GALNT13: variants seen among roughly 807,000 people sequenced by gnomAD.
GALNT13 encodes the protein polypeptide N-acetylgalactosaminyltransferase 13.
GALNT13 carries 28 observed loss-of-function variants against 64.2 expected under a neutral mutation model. The ratio of observed to expected loss-of-function variants is 0.44; its 90% CI spans 0.32 to 0.60. The LOEUF is 0.60. Among genes scored for constraint, GALNT13 ranks in the 20% least tolerant of loss-of-function variants. The pLI is 0.05. For missense variants in GALNT13, 577 were observed against 669.8 expected, an observed-to-expected ratio of 0.86 and a Z score of 1.53; for synonymous variants, 214 against 224.6, an observed-to-expected ratio of 0.95 and a Z score of 0.42.
chr2:153,714,257 G>A, the GALNT13 span, among the ~76,000 whole-genome samples: 1 of 151,942 alleles, frequency 6.6e-6, no homozygotes, highest in African/African-American at 2.4e-5. Context: ...TTTCTCCTAG[G>A]AGGAGAAATA....
chr2:153,831,120 C>T, the GALNT13 span, among the ~76,000 whole-genome samples: 1 of 152,242 alleles, frequency 6.6e-6, no homozygotes, highest in East Asian at 1.9e-4. Context: ...TTTGGAGTAT[C>T]GTTTCTCATG....
chr2:153,307,289 A>T, the GALNT13 span, among the ~76,000 whole-genome samples: 1 of 152,210 alleles, frequency 6.6e-6, no homozygotes, highest in Non-Finnish European at 1.5e-5. Flanking sequence ...GGCATGGTAA[A>T]TTGAATCTAG....
intron 9 of GALNT13, among the ~76,000 whole-genome samples, chr2:154,331,000 A>G (rs1695136183): frequency 6.6e-6 from 1 of 152,050 alleles, no homozygotes; most frequent in South Asian, 2.1e-4. Flanking sequence ...ATAGGAGTAA[A>G]CTTGAAGTAA....
At chr2:154,215,557 C>T (rs1218708551) in intron 4 of GALNT13, among the ~76,000 whole-genome samples, 1 of 152,132 alleles carries the variant, frequency 6.6e-6, no homozygotes, top group Admixed American at 6.6e-5. Flanking sequence ...TCTTTCTTTT[C>T]CAGCCAATAG....
rs377067274 is a variant in GALNT13 at position 153,888,213 on chromosome 2, T to C, written c.-176-12723T>C. Among the ~76,000 whole-genome samples, 3 of 152,132 alleles carry C rather than the reference T, an allele frequency of 2.0e-5. No homozygotes were observed. In the South Asian group the frequency reaches 6.2e-4, roughly 32 times the overall value. Reference sequence around the variant, plus strand: ...CTGGTGGGAATTTAATGATGCATCATACTGTTTTTGATTTATTTCCAAATC... The same window carrying C: ...CTGGTGGGAATTTAATGATGCATCACACTGTTTTTGATTTATTTCCAAATC... On this transcript the variant is annotated intron_variant, in intron 1 of 12. Transcript: ENST00000392825.
chr2:154,196,793 A>G (rs1338604841), intron 4 of GALNT13, among the ~76,000 whole-genome samples: 1 of 152,354 alleles, frequency 6.6e-6, no homozygotes, highest in Admixed American at 6.5e-5. Flanking sequence ...CTTTGAATTC[A>G]TATTTCCAAG....
intron 4 of GALNT13, among the ~76,000 whole-genome samples, chr2:154,238,634 T>C (rs984893826): frequency 1.3e-5 from 2 of 151,998 alleles, no homozygotes; most frequent in Non-Finnish European, 2.9e-5. Flanking sequence ...TAAACTGACA[T>C]AGAAAAGAAC....
the GALNT13 span, among the ~76,000 whole-genome samples, chr2:153,698,408 C>T: frequency 6.6e-6 from 1 of 151,826 alleles, no homozygotes; most frequent in East Asian, 1.9e-4. Context: ...GAAAATTTAC[C>T]AAGCAAATAG....
chr2:153,782,275 T>C, the GALNT13 span, among the ~76,000 whole-genome samples: 1 of 152,214 alleles, frequency 6.6e-6, no homozygotes, highest in Non-Finnish European at 1.5e-5. Context: ...AGATACATTT[T>C]ACACAAGCTA....
intron 4 of GALNT13, among the ~76,000 whole-genome samples, chr2:154,227,971 A>G (rs1429041201): frequency 6.6e-6 from 1 of 152,102 alleles, no homozygotes; most frequent in Non-Finnish European, 1.5e-5. Context: ...AAATATGGTA[A>G]TTCTCAATCA....
At chr2:153,396,017 C>A in the GALNT13 span, among the ~76,000 whole-genome samples, 1 of 152,010 alleles carries the variant, frequency 6.6e-6, no homozygotes, top group East Asian at 1.9e-4. Flanking sequence ...GTGAAAATTG[C>A]AATAGATGGT....
the GALNT13 span, among the ~76,000 whole-genome samples, chr2:153,191,643 A>G: frequency 6.6e-6 from 1 of 151,374 alleles, no homozygotes; most frequent in African/African-American, 2.4e-5. Flanking sequence ...GAGCATTGGT[A>G]CTTGTTCTTA....
intron 4 of GALNT13, among the ~76,000 whole-genome samples, chr2:154,175,310 A>G (rs1685585548): frequency 6.6e-6 from 1 of 152,180 alleles, no homozygotes; most frequent in Non-Finnish European, 1.5e-5. Context: ...CTCCTGATCA[A>G]TACTGTGATC....
the GALNT13 span, among the ~76,000 whole-genome samples, chr2:153,222,668 G>A: frequency 6.6e-6 from 1 of 152,158 alleles, no homozygotes; most frequent in African/African-American, 2.4e-5. Flanking sequence ...CCTCCCTCCC[G>A]AGATTGTCAG....
chr2:153,818,335 C>T, the GALNT13 span, among the ~76,000 whole-genome samples: 1 of 152,176 alleles, frequency 6.6e-6, no homozygotes, highest in African/African-American at 2.4e-5. Flanking sequence ...GCTGCTGTAT[C>T]CCCAATAGAG....
chr2:153,712,682 T>C, the GALNT13 span, among the ~76,000 whole-genome samples: 3 of 152,174 alleles, frequency 2.0e-5, no homozygotes, highest in Admixed American at 2.0e-4. Context: ...ATTTTTCAAA[T>C]TCACAAGCAA....
chr2:153,319,372 C>G, the GALNT13 span, among the ~76,000 whole-genome samples: 22 of 152,166 alleles, frequency 1.4e-4, no homozygotes, highest in African/African-American at 4.8e-4. Flanking sequence ...ACTCCTGGCT[C>G]AAGCAATCCT....
chr2:153,128,976 T>A, the GALNT13 span, among the ~76,000 whole-genome samples: 1 of 151,988 alleles, frequency 6.6e-6, no homozygotes, highest in African/African-American at 2.4e-5. Context: ...TCCCACAACA[T>A]GTGGGAATTC....
At chr2:153,348,578 A>T in the GALNT13 span, among the ~76,000 whole-genome samples, 3 of 152,222 alleles carry the variant, frequency 2.0e-5, no homozygotes, top group Admixed American at 2.0e-4. Flanking sequence ...ATTTCTAACC[A>T]AAGGATGGTA....
Sources: allele counts gnomAD v4.1 joint callset (sites outside exome capture counted in the v4.1 genomes callset), GRCh38; gene constraint gnomAD v4.1.1; transcripts MANE v1.5; gene names NCBI Gene and HGNC (gene_info 2026-07-23, HGNC 2026-07-21).